Variants in DMPK observed in about 807,000 individuals in gnomAD.
The protein encoded by DMPK is DM1 protein kinase.
DMPK carries 32 observed loss-of-function variants against 70.3 expected under a neutral mutation model. The ratio of observed to expected loss-of-function variants is 0.46; its 90% CI spans 0.34 to 0.61. The LOEUF (loss-of-function observed/expected upper bound fraction) is 0.61. Among genes scored for constraint, DMPK ranks in the 20% least tolerant of loss-of-function variants. The pLI is 0.01. For synonymous variants in DMPK, 469 were observed against 390.9 expected, an observed-to-expected ratio of 1.20 and a Z score of -2.36; for missense variants, 899 against 886.0, an observed-to-expected ratio of 1.01 and a Z score of -0.19.
intron 1 of DMPK, chr19:45,780,722 GA>G (rs1160344543): frequency 1.6e-6 from 1 of 644,754 alleles, no homozygotes; most frequent in Admixed American, 6.2e-5. Flanking sequence ...GGTTCTGGAG[GA>G]AAGAGAGGGG....
chr19:45,779,401 G>T, intron 3 of DMPK, 38 bp downstream of exon 3: 1 of 1,613,652 alleles, frequency 6.2e-7, no homozygotes, highest in Non-Finnish European at 8.5e-7. Flanking sequence ...GACGGGGCGC[G>T]GATCCTCAAA....
rs1194785798 is a variant in DMPK, at chr19:45,779,429, AG to A, written c.336+9del. 6.2e-7 allele frequency: 1 copy of A among 1,613,794 alleles called. No homozygotes were observed. The highest frequency in any genetic ancestry group is 8.5e-7 in the Non-Finnish European group (1 of 1,179,948). ...TCCTCAAAGCCCCCCACGTCCGCCC[AG>A]CCCCTCACCTCGCCCCTCTTCAGCA... is the stretch of plus-strand genomic sequence containing the variant. On this transcript the variant is annotated intron_variant, in intron 3 of 14. Transcript: ENST00000291270.
intron 14 of DMPK, 150 bp from the exon 15 acceptor site, chr19:45,770,790 G>A (rs1600411002): frequency 9.5e-7 from 1 of 1,053,116 alleles, no homozygotes; most frequent in Non-Finnish European, 1.4e-6. Flanking sequence ...CCACTCGCAC[G>A]CCTCGAATCC....
chr19:45,772,052 A>T (rs1484604583), intron 10 of DMPK, 124 bp from the exon 11 acceptor site: 33 of 1,285,698 alleles, frequency 2.6e-5, no homozygotes, highest in Non-Finnish European at 3.1e-5. Flanking sequence ...CATTTCTGGA[A>T]TCCCCATAGC....
chr19:45,769,948 G>A lies in DMPK; in HGVS notation c.*540C>T, dbSNP rs1969229625. 1 of 313,276 alleles carries A rather than the reference G, an allele frequency of 3.2e-6. No individual in the cohort carries two copies. 19.4% of individuals were successfully genotyped at this position (313,276 alleles called of 1,614,324 possible). On this transcript the variant is annotated 3_prime_UTR_variant, in exon 15 of 15. Transcript: ENST00000291270. Reference sequence around the variant, plus strand: ...TCCGAGAGCAGCGCAAGTGAGGAGGGGGGCGCGGGATCCCCGAAAAAGCGG... The same window carrying A: ...TCCGAGAGCAGCGCAAGTGAGGAGGAGGGCGCGGGATCCCCGAAAAAGCGG...
chr19:45,782,271 G>C lies in DMPK; in HGVS notation c.82C>G (p.Leu28Val), dbSNP rs140858879. 1 of 1,606,260 alleles carries C rather than the reference G, an allele frequency of 6.2e-7. No homozygotes were observed. ...GFLGLEPLLD[L>V]LLGVHQELGA... ...AGCTCCTGGTGGACGCCCAGGAGAAGGTCGAGCAGGGGCTCCAGCCCCAGG... is the reference window on the plus strand; with the variant it reads ...AGCTCCTGGTGGACGCCCAGGAGAACGTCGAGCAGGGGCTCCAGCCCCAGG... Residue 28 changes from leucine (L) to valine (V), a missense_variant, in exon 1 of 15, where the codon CTT becomes GTT. Physicochemically the swap from Leu to Val is conservative, Grantham distance 32. Around this residue, in one of 3 missense-constraint regions of DMPK, gnomAD observed 149 missense variants for 142.5 expected, o/e 1.05. Transcript: ENST00000291270.
intron 10 of DMPK, 197 bp downstream of exon 10, chr19:45,772,442 AAC>A (rs1034031506): frequency 2.4e-5 from 11 of 466,872 alleles, no homozygotes; most frequent in Non-Finnish European, 4.1e-5. Flanking sequence ...GATCCCCAGC[AAC>A]ACACACACCC....
intron 9 of DMPK, 83 bp from the exon 10 acceptor site, chr19:45,772,835 G>A: frequency 2.7e-6 from 2 of 734,166 alleles, no homozygotes. Flanking sequence ...CTGTGGGTAG[G>A]GGCAGCTGCT....
intron 9 of DMPK, among the ~76,000 whole-genome samples, chr19:45,773,531 CAT>C (rs1353344160): frequency 2.0e-5 from 3 of 152,222 alleles, no homozygotes; most frequent in East Asian, 1.9e-4. Context: ...ACTATTTAAA[CAT>C]GTGTCAGTAC....
In DMPK at chr19:45,779,639, G is replaced by A. The variant is rs922625488; in HGVS notation, c.253-117C>T. 4 of 1,556,056 alleles carry A rather than the reference G, an allele frequency of 2.6e-6. No individual in the cohort carries two copies. In the African/African-American group the frequency reaches 5.4e-5, roughly 21 times the overall value. ...GGCCCCGCCCCACCTGCCACACCACGCCCATTGGTCCCAAGCCCCGCCTCC... is the reference window on the plus strand; with the variant it reads ...GGCCCCGCCCCACCTGCCACACCACACCCATTGGTCCCAAGCCCCGCCTCC... On this transcript the variant is annotated intron_variant, in intron 2 of 14. Transcript: ENST00000291270.
intron 9 of DMPK, among the ~76,000 whole-genome samples, chr19:45,774,546 G>A (rs1969670060): frequency 6.6e-6 from 1 of 152,186 alleles, no homozygotes; most frequent in Admixed American, 6.5e-5. Context: ...ACAGGCGTGA[G>A]CCACCGCGGC....
Position 45,777,089 on chromosome 19 carries a change from C to T in DMPK, c.1146+238G>A, listed in dbSNP as rs1324814744. ...AGTCAGGAGTCCCCCACCCCCTGCACTCCATTGTCTCAGCCCTGATCACTC... is the reference window on the plus strand; with the variant it reads ...AGTCAGGAGTCCCCCACCCCCTGCATTCCATTGTCTCAGCCCTGATCACTC... On this transcript the variant is annotated intron_variant, in intron 8 of 14. Transcript: ENST00000291270. This position sits in a 1 kb window ranked among gnomAD's most constrained non-coding sequence, Gnocchi z 6.7. The T allele has an allele frequency of 1.9e-6, 1 of 522,738 alleles. No homozygotes were observed. Among genetic ancestry groups the T allele is most frequent in the Non-Finnish European group, 3.1e-6 (1 of 318,568 alleles). 32.4% of individuals were successfully genotyped at this position (522,738 alleles called of 1,614,324 possible). A position where few individuals can be genotyped will look rare whatever the true frequency, so the allele number is the denominator to read the frequency against.
In DMPK at chr19:45,778,620, C is replaced by T. The variant is rs777531284; in HGVS notation, c.454G>A (p.Val152Met). 7 of 1,613,710 alleles carry T rather than the reference C, an allele frequency of 4.3e-6. No individual in the cohort carries two copies. Among genetic ancestry groups the T allele is most frequent in the Middle Eastern group, 1.6e-4 (1 of 6,084 alleles). ...AGCAGTGTCAGCAGGTCCCCGCCCA[C>T]GTAATACTCCATGACCAGGTACTGA... is the stretch of plus-strand genomic sequence containing the variant. ...NYLYLVMEYY[V>M]GGDLLTLLSK... The change falls in exon 5 of 15, where the codon GTG (valine) becomes ATG (methionine). Residue 152 changes from valine to methionine, a missense_variant. By Grantham distance (21) the Val-to-Met change is conservative. This residue lies in a region of DMPK where 195 missense variants were observed against 259.7 expected (regional missense o/e 0.75). Coordinates refer to ENST00000291270, the MANE Select transcript of DMPK (RefSeq NM_004409.5).
Position 45,772,009 on chromosome 19 carries a change from C to A in DMPK, c.1345-81G>T. The A allele has an allele frequency of 3.4e-6, 5 of 1,453,246 alleles. No homozygotes were observed. In the South Asian group the frequency reaches 7.0e-5, roughly 20 times the overall value. The allele number at this position is 1,453,246 out of a possible 1,614,324, so 90.0% of individuals were successfully genotyped here. ...TGGGCACTGGTTCCAGGCTAGGAAT[C>A]CTTGTTTATCCCCTACTCCTCCGTC... On this transcript the variant is annotated intron_variant, in intron 10 of 14. Coordinates refer to ENST00000291270, the MANE Select transcript of DMPK (RefSeq NM_004409.5).
chr19:45,770,603 A>G lies in DMPK; in HGVS notation c.1775T>C (p.Leu592Pro), dbSNP rs770809944. The G allele has an allele frequency of 3.9e-5, 60 of 1,552,910 alleles. No individual in the cohort carries two copies. The highest frequency in any genetic ancestry group is 3.1e-4 in the African/African-American group (23 of 73,218). The part of the protein sequence containing the change: ...RPGLSEALSL[L>P]LFAVVLSRAA... ...ACGAGACAGAACAACGGCGAACAGG[A>G]GCAGGGAAAGCGCCTCCGATAGGCC... The change falls in exon 15 of 15, where the codon CTC (leucine) becomes CCC (proline). Residue 592 changes from leucine (L) to proline (P), a missense_variant. Physicochemically the swap from Leu to Pro is moderately conservative, Grantham distance 98 (BLOSUM62 -3). Coordinates refer to ENST00000291270, the MANE Select transcript of DMPK (RefSeq NM_004409.5).
In DMPK at chr19:45,779,812, ATCTCGAAGTCGTC is replaced by A; in HGVS notation, c.205_217del (p.Asp69PhefsTer2). Reference sequence around the variant, plus strand: ...CGCCCCGCGTCCGATCACCTTCAGAATCTCGAAGTCGTCCCTCTGCAGTCGGACCTCCTTAAGC... The same window carrying A: ...CGCCCCGCGTCCGATCACCTTCAGAACCTCTGCAGTCGGACCTCCTTAAGC... On this transcript the variant is annotated frameshift_variant, in exon 2 of 15. Coordinates refer to ENST00000291270, the MANE Select transcript of DMPK (RefSeq NM_004409.5). LOFTEE classifies it high-confidence loss of function. 1 of 1,582,010 alleles carries A rather than the reference ATCTCGAAGTCGTC, an allele frequency of 6.3e-7. No individual in the cohort carries two copies. Among genetic ancestry groups the A allele is most frequent in the Non-Finnish European group, 8.6e-7 (1 of 1,162,134 alleles).
chr19:45,775,051 G>C lies in DMPK; in HGVS notation c.1147-17C>G. On this transcript the variant is annotated splice_polypyrimidine_tract_variant and intron_variant, in intron 8 of 14. Coordinates refer to ENST00000291270, the MANE Select transcript of DMPK (RefSeq NM_004409.5). ...CAGTGTCTCCTGCGCAAGACACACAGATGTGAGCAGCAGTCGTCAGGGCGG... is the reference window on the plus strand; with the variant it reads ...CAGTGTCTCCTGCGCAAGACACACACATGTGAGCAGCAGTCGTCAGGGCGG... The C allele has an allele frequency of 6.2e-7, 1 of 1,607,660 alleles. No homozygotes were observed. Among genetic ancestry groups the C allele is most frequent in the South Asian group, 1.1e-5 (1 of 90,728 alleles).
Position 45,777,981 on chromosome 19 carries a change from G to C in DMPK, c.676-108C>G, listed in dbSNP as rs193021388. ...AATGCTTAGCCCCTCCCTCTGCCTG[G>C]TCTAATACTCCGCCACACAGATGCA... On this transcript the variant is annotated intron_variant, in intron 6 of 14. Coordinates refer to ENST00000291270, the MANE Select transcript of DMPK (RefSeq NM_004409.5). The surrounding 1 kb of genome is among the most constrained non-coding windows in gnomAD (Gnocchi z 6.7). The C allele has an allele frequency of 1.6e-5, 20 of 1,265,046 alleles. No homozygotes were observed. In the East Asian group the frequency reaches 4.2e-4, roughly 27 times the overall value. 78.4% of individuals were successfully genotyped at this position (1,265,046 alleles called of 1,614,324 possible). A position where few individuals can be genotyped will look rare whatever the true frequency, so the allele number is the denominator to read the frequency against.
intron 14 of DMPK, 112 bp from the exon 15 acceptor site, chr19:45,770,752 G>GC: frequency 7.9e-7 from 1 of 1,260,798 alleles, no homozygotes; most frequent in Non-Finnish European, 1.1e-6. Flanking sequence ...CCCCGCCCCC[G>GC]CCCCAACAGC....
Sources: allele counts gnomAD v4.1 joint callset (sites outside exome capture counted in the v4.1 genomes callset), GRCh38; gene constraint gnomAD v4.1.1; regional missense constraint gnomAD v4.1.1; non-coding constraint Gnocchi (gnomAD v3.1); transcripts MANE v1.5; gene names NCBI Gene and HGNC (gene_info 2026-07-23, HGNC 2026-07-21).